Variants in BTAF1 observed in about 807,000 individuals in gnomAD.
The protein encoded by BTAF1 is B-TFIID TATA-box binding protein associated factor 1.
Under a neutral mutation model 227.1 loss-of-function variants are expected in BTAF1, and 38 were observed. The observed-to-expected ratio is 0.17, with a 90% CI of 0.13 to 0.22. The LOEUF is 0.22. BTAF1 is among the 10% of genes least tolerant of loss of function. The probability of loss-of-function intolerance (pLI) is 1.00; values close to 1 mark genes in which losing one functional copy is unlikely to be tolerated. For missense variants in BTAF1, 1,598 were observed against 2,204.0 expected (o/e 0.73, Z 5.51); for synonymous variants, 742 against 751.9 (o/e 0.99, Z 0.21).
intron 6 of BTAF1, among the ~76,000 whole-genome samples, chr10:91,954,081 A>G (rs1050793722): frequency 5.9e-5 from 9 of 152,172 alleles, no homozygotes; most frequent in African/African-American, 2.2e-4. Flanking sequence ...CTTTTTTCCT[A>G]CTAATTATCA....
intron 32 of BTAF1, among the ~76,000 whole-genome samples, chr10:92,014,266 T>TC (rs1234266154): frequency 6.6e-6 from 1 of 152,132 alleles, no homozygotes; most frequent in Non-Finnish European, 1.5e-5. Context: ...TCTTACTCTG[T>TC]CACCCAAGCT....
chr10:92,027,353 TG>T, intron 37 of BTAF1, 53 bp downstream of exon 37: 1 of 1,501,464 alleles, frequency 6.7e-7, no homozygotes, highest in Non-Finnish European at 9.0e-7. Flanking sequence ...TTCCTGTGAC[TG>T]CTAAGTTGAA....
At chr10:91,930,141 T>G (rs765462238) in intron 1 of BTAF1, among the ~76,000 whole-genome samples, 4 of 152,100 alleles carry the variant, frequency 2.6e-5, no homozygotes, top group Non-Finnish European at 5.9e-5. Flanking sequence ...GTATTATGAA[T>G]TTTACATATT....
chr10:91,986,799 T>C (rs926164273), intron 19 of BTAF1, among the ~76,000 whole-genome samples: 1 of 152,188 alleles, frequency 6.6e-6, no homozygotes, highest in Non-Finnish European at 1.5e-5. Flanking sequence ...TGACTTGGGC[T>C]AGAAGATAAG....
intron 4 of BTAF1, among the ~76,000 whole-genome samples, chr10:91,951,199 TC>T (rs1307156026): frequency 6.6e-6 from 1 of 152,158 alleles, no homozygotes; most frequent in Admixed American, 6.5e-5. Flanking sequence ...CAGTGAAAAC[TC>T]CCAGAATGTT....
chr10:91,970,915 T>G (rs1235357026), intron 14 of BTAF1, among the ~76,000 whole-genome samples: 2 of 152,212 alleles, frequency 1.3e-5, no homozygotes, highest in Non-Finnish European at 2.9e-5. Context: ...TGATTCATAT[T>G]TAGTATCTTT....
intron 20 of BTAF1, 109 bp from the exon 21 acceptor site, chr10:91,992,010 T>C (rs1848825094): frequency 3.6e-6 from 3 of 827,442 alleles, no homozygotes. Flanking sequence ...CCTATAAAAG[T>C]TGAGGCCTAA....
intron 19 of BTAF1, among the ~76,000 whole-genome samples, chr10:91,985,625 AC>A: frequency 6.6e-6 from 1 of 152,182 alleles, no homozygotes; most frequent in East Asian, 1.9e-4. Flanking sequence ...AGTTCTGGTT[AC>A]TCCACATCAT....
intron 4 of BTAF1, among the ~76,000 whole-genome samples, chr10:91,943,061 C>G (rs1303778291): frequency 6.6e-6 from 1 of 152,070 alleles, no homozygotes; most frequent in Non-Finnish European, 1.5e-5. Context: ...CACCTGTAAT[C>G]CCAGCACTTT....
intron 14 of BTAF1, among the ~76,000 whole-genome samples, chr10:91,972,397 T>C (rs965109640): frequency 6.6e-6 from 1 of 152,120 alleles, no homozygotes; most frequent in Non-Finnish European, 1.5e-5. Context: ...ACTCTCACCT[T>C]CCTAAATTTT....
chr10:92,023,543 G>C (rs548285785), intron 34 of BTAF1, among the ~76,000 whole-genome samples: 1 of 152,176 alleles, frequency 6.6e-6, no homozygotes, highest in African/African-American at 2.4e-5. Context: ...AATTCACTGG[G>C]CGTGATGGCA....
intron 28 of BTAF1, among the ~76,000 whole-genome samples, chr10:92,010,350 A>C (rs1029105074): frequency 6.6e-6 from 1 of 152,224 alleles, no homozygotes; most frequent in African/African-American, 2.4e-5. Context: ...CTCAATTCTC[A>C]GTTTCAATAT....
At chr10:91,947,938 A>T (rs982080524) in intron 4 of BTAF1, among the ~76,000 whole-genome samples, 4 of 152,026 alleles carry the variant, frequency 2.6e-5, no homozygotes, top group African/African-American at 9.7e-5. Context: ...TCTTAATTTC[A>T]TATTTGGGCT....
intron 25 of BTAF1, among the ~76,000 whole-genome samples, chr10:92,005,480 G>C (rs1388576262): frequency 6.6e-6 from 1 of 152,056 alleles, no homozygotes; most frequent in African/African-American, 2.4e-5. Context: ...CCATTTATTT[G>C]TGTCCCCAGC....
At chr10:92,013,553 AT>A (rs1276738283) in intron 30 of BTAF1, 113 bp from the exon 31 acceptor site, 43 of 1,346,490 alleles carry the variant, frequency 3.2e-5, no homozygotes, top group Non-Finnish European at 4.2e-5. Context: ...GTCTAAAAAT[AT>A]AGTGATAATC....
intron 5 of BTAF1, 63 bp from the exon 6 acceptor site, chr10:91,953,674 T>C (rs1347187292): frequency 2.5e-5 from 39 of 1,550,414 alleles, no homozygotes; most frequent in African/African-American, 4.2e-5. Flanking sequence ...CTTCTGAGGC[T>C]GAGACTATAG....
chr10:92,001,548 G>A (rs1378463669), intron 25 of BTAF1, among the ~76,000 whole-genome samples: 2 of 152,060 alleles, frequency 1.3e-5, no homozygotes, highest in Admixed American at 6.5e-5. Context: ...TTGACAAAAG[G>A]CTGATTTGGA....
chr10:91,958,956 TTTATTCTAATTTCTTAA>T, intron 8 of BTAF1, 92 bp from the exon 9 acceptor site: 1 of 924,446 alleles, frequency 1.1e-6, no homozygotes, highest in Non-Finnish European at 1.7e-6. Flanking sequence ...TTCCACTTAG[TTTATTCTAATTTCTTAA>T]AAATCCAGTA....
At chr10:92,008,342 G>GC (rs1850071898) in intron 26 of BTAF1, 67 bp downstream of exon 26, 1 of 1,393,154 alleles carries the variant, frequency 7.2e-7, no homozygotes, top group Admixed American at 2.7e-5. Flanking sequence ...TTTGTTGGGG[G>GC]GGGCTTTTGT....
Sources: gnomAD v4.1 joint callset for allele counts (sites outside exome capture counted in the v4.1 genomes callset) on GRCh38, gnomAD v4.1.1 for gene constraint, MANE v1.5 for transcripts, NCBI Gene and HGNC (gene_info 2026-07-23, HGNC 2026-07-21) for gene names.